HEMK2: variants seen among roughly 807,000 people sequenced by gnomAD.
The protein encoded by HEMK2 is methyltransferase HEMK2.
chr21:28,747,200 A>G, the HEMK2 span, among the ~76,000 whole-genome samples: 45,969 of 152,056 alleles, frequency 0.3, 7,744 homozygotes, highest in East Asian at 0.53. Flanking sequence ...GGGAATTGCT[A>G]TGACCTGGGA....
the HEMK2 span, among the ~76,000 whole-genome samples, chr21:28,796,996 T>C: frequency 6.6e-6 from 1 of 152,238 alleles, no homozygotes; most frequent in Non-Finnish European, 1.5e-5. Context: ...TATTCTGTTT[T>C]GTTGGTAGCA....
the HEMK2 span, among the ~76,000 whole-genome samples, chr21:28,777,942 T>C: frequency 6.6e-6 from 1 of 152,218 alleles, no homozygotes; most frequent in Non-Finnish European, 1.5e-5. Context: ...TGAGAACCTT[T>C]ACTTTAAAAA....
the HEMK2 span, among the ~76,000 whole-genome samples, chr21:28,728,499 CTCT>C: frequency 8.9e-6 from 1 of 112,084 alleles, no homozygotes; most frequent in African/African-American, 4.7e-5. Context: ...CATGGAAGAA[CTCT>C]TAAGTATGTC....
the HEMK2 span, among the ~76,000 whole-genome samples, chr21:28,786,070 G>T: frequency 6.6e-6 from 1 of 152,154 alleles, no homozygotes; most frequent in Non-Finnish European, 1.5e-5. Context: ...CATTATCTTT[G>T]ATTCCTGGTG....
At chr21:28,708,482 G>GA in the HEMK2 span, among the ~76,000 whole-genome samples, 1 of 152,176 alleles carries the variant, frequency 6.6e-6, no homozygotes, top group Non-Finnish European at 1.5e-5. Flanking sequence ...GGGATGAAAG[G>GA]AAATGGCAAA....
At chr21:28,709,215 T>C in the HEMK2 span, among the ~76,000 whole-genome samples, 2 of 152,224 alleles carry the variant, frequency 1.3e-5, no homozygotes, top group East Asian at 3.8e-4. Context: ...CTCATGAATT[T>C]TGAAGGCACA....
the HEMK2 span, among the ~76,000 whole-genome samples, chr21:28,601,168 T>C: frequency 6.6e-5 from 10 of 152,196 alleles, no homozygotes; most frequent in Non-Finnish European, 1.5e-5. Context: ...CATCCCAGCA[T>C]ATTCTACTCA....
chr21:28,874,502 G>A, the HEMK2 span: 1 of 152,226 alleles, frequency 6.6e-6, no homozygotes, highest in Non-Finnish European at 1.5e-5. Flanking sequence ...CCTTGGCCAG[G>A]TCAGCCTTGG....
At chr21:28,806,022 T>C in the HEMK2 span, among the ~76,000 whole-genome samples, 2 of 152,340 alleles carry the variant, frequency 1.3e-5, no homozygotes, top group African/African-American at 2.4e-5. Flanking sequence ...CACTCATCAG[T>C]ATGTCCCATG....
the HEMK2 span, among the ~76,000 whole-genome samples, chr21:28,771,384 C>T: frequency 1.3e-5 from 2 of 152,110 alleles, no homozygotes; most frequent in East Asian, 1.9e-4. Context: ...CATCACTCTC[C>T]CACCACCCTG....
chr21:28,624,501 T>C, the HEMK2 span, among the ~76,000 whole-genome samples: 2 of 152,190 alleles, frequency 1.3e-5, no homozygotes, highest in African/African-American at 4.8e-5. Flanking sequence ...AAGGGGAATA[T>C]TCACCTAGTC....
the HEMK2 span, chr21:28,882,398 G>A: frequency 1.8e-6 from 1 of 560,756 alleles, no homozygotes; most frequent in South Asian, 2.1e-5. Flanking sequence ...CAAAGAAAAA[G>A]AGAACAAGGA....
the HEMK2 span, among the ~76,000 whole-genome samples, chr21:28,678,617 G>T: frequency 6.6e-6 from 1 of 152,156 alleles, no homozygotes; most frequent in African/African-American, 2.4e-5. Context: ...TTGAAATGAA[G>T]GAACAAATGT....
the HEMK2 span, among the ~76,000 whole-genome samples, chr21:28,678,723 G>C: frequency 1.3e-5 from 2 of 152,224 alleles, no homozygotes; most frequent in East Asian, 1.9e-4. Context: ...AGCCAGAAGA[G>C]AGTGGGGGCC....
the HEMK2 span, among the ~76,000 whole-genome samples, chr21:28,838,972 A>AATATATATATAT: frequency 1.8e-3 from 53 of 29,106 alleles, no homozygotes; most frequent in African/African-American, 2.7e-3. Flanking sequence ...AAAAAAAAAA[A>AATATATATATAT]ATATATATAT....
the HEMK2 span, among the ~76,000 whole-genome samples, chr21:28,665,334 C>CTTTTTTTTTTTTTTTTTTT: frequency 8.2e-5 from 3 of 36,682 alleles, no homozygotes; most frequent in African/African-American, 1.3e-4. Flanking sequence ...ATTTATATTT[C>CTTTTTTTTTTTTTTTTTTT]TTTTTTTTTT....
chr21:28,770,123 G>A, the HEMK2 span, among the ~76,000 whole-genome samples: 3 of 152,072 alleles, frequency 2.0e-5, no homozygotes, highest in Non-Finnish European at 2.9e-5. Flanking sequence ...CTTTTGTGAC[G>A]TTGAATTTGT....
At chr21:28,814,644 T>C in the HEMK2 span, among the ~76,000 whole-genome samples, 4 of 152,114 alleles carry the variant, frequency 2.6e-5, no homozygotes, top group African/African-American at 9.6e-5. Context: ...TCATCATCAC[T>C]GGCCATCAGA....
chr21:28,819,184 G>A, the HEMK2 span, among the ~76,000 whole-genome samples: 2 of 151,874 alleles, frequency 1.3e-5, no homozygotes, highest in South Asian at 4.2e-4. Flanking sequence ...AGTAAAACTA[G>A]ATGGGTATTG....
Sources: gnomAD v4.1 joint callset for allele counts (sites outside exome capture counted in the v4.1 genomes callset) on GRCh38, gnomAD v4.1.1 for gene constraint, MANE v1.5 for transcripts, NCBI Gene and HGNC (gene_info 2026-07-23, HGNC 2026-07-21) for gene names.